GREB1L: variants seen among roughly 807,000 people sequenced by gnomAD.
The protein encoded by GREB1L is GREB1 like retinoic acid receptor coactivator, also known as GREB1-like protein.
Under a neutral mutation model 200.8 loss-of-function variants are expected in GREB1L, and 17 were observed. That is an observed-to-expected ratio of 0.08 (90% confidence interval 0.06 to 0.13). The LOEUF is 0.13. Ranked by LOEUF, GREB1L falls within the 10% of genes least tolerant of loss-of-function variation. The pLI is 1.00. For missense variants in GREB1L, 1,657 were observed against 2,367.7 expected (o/e 0.70, Z 6.23); for synonymous variants, 789 against 893.0 (o/e 0.88, Z 2.08).
At position 21,333,208 on chromosome 18, in the gene GREB1L, A is replaced by G. The variant is rs576949897; in HGVS notation, c.-119-32819A>G. 7.9e-5 allele frequency among the ~76,000 whole-genome samples: 12 copies of G among 152,338 alleles called. No individual in the cohort carries two copies. The East Asian group carries it at 1.9e-3, about 25-fold the overall frequency. The stretch of plus-strand genomic sequence containing the variant: ...TGCCTGGAAGGATGTATTACTATAC[A>G]TGCACATATACACACTCGCATGCAC... On this transcript the variant is annotated intron_variant, in intron 1 of 32. Transcript: ENST00000424526.
intron 1 of GREB1L, among the ~76,000 whole-genome samples, chr18:21,352,685 C>G (rs1005463737): frequency 6.6e-6 from 1 of 151,916 alleles, no homozygotes; most frequent in Non-Finnish European, 1.5e-5. Flanking sequence ...CCACCCGCCT[C>G]AGCCTCCGAA....
At chr18:21,491,533 C>T (rs2145861305) in intron 19 of GREB1L, among the ~76,000 whole-genome samples, 1 of 151,946 alleles carries the variant, frequency 6.6e-6, no homozygotes, top group Middle Eastern at 3.4e-3. Flanking sequence ...CATGGTGAAA[C>T]CCCGTTTTTA....
At chr18:21,433,460 C>T (rs1201581322) in intron 7 of GREB1L, among the ~76,000 whole-genome samples, 1 of 152,178 alleles carries the variant, frequency 6.6e-6, no homozygotes, top group Non-Finnish European at 1.5e-5. Flanking sequence ...AATGACAGAT[C>T]TGTGTAAGAG....
At chr18:21,483,763 G>A (rs911250518) in intron 17 of GREB1L, among the ~76,000 whole-genome samples, 3 of 152,098 alleles carry the variant, frequency 2.0e-5, no homozygotes, top group African/African-American at 7.2e-5. Context: ...GATCACCTGA[G>A]ATCAGGAATT....
chr18:21,368,890 C>A lies in GREB1L; in HGVS notation c.-10+2754C>A, dbSNP rs140599426. The stretch of plus-strand genomic sequence containing the variant: ...AAAACAAAACAAAGCCAAAAAAAAC[C>A]TGTAGAAGTATTTAATGTGTTATTA... On this transcript the variant is annotated intron_variant, in intron 2 of 32. Coordinates refer to ENST00000424526, the MANE Select transcript of GREB1L (RefSeq NM_001142966.3). 2.6e-4 allele frequency among the ~76,000 whole-genome samples: 39 copies of A among 152,152 alleles called. 1 individual carries two copies. The East Asian group carries it at 7.5e-3, about 29-fold the overall frequency.
At chr18:21,451,449 C>A in intron 13 of GREB1L, 1 of 225,298 alleles carries the variant, frequency 4.4e-6, no homozygotes, top group Non-Finnish European at 8.5e-6. Flanking sequence ...TTCCTTCCTC[C>A]TTCCCTCCCT....
chr18:21,300,076 G>T (rs886199383), intron 1 of GREB1L, among the ~76,000 whole-genome samples: 1 of 152,028 alleles, frequency 6.6e-6, no homozygotes, highest in African/African-American at 2.4e-5. Flanking sequence ...AATTCTTTAT[G>T]GTATAATAAC....
intron 7 of GREB1L, among the ~76,000 whole-genome samples, chr18:21,404,678 A>G (rs291793): frequency 1 from 151,730 of 152,352 alleles, 75,558 homozygotes; most frequent in Middle Eastern, 1. Flanking sequence ...CATGGTTCCA[A>G]GTGGCCAAAG....
chr18:21,412,900 T>C (rs566745952), intron 7 of GREB1L, among the ~76,000 whole-genome samples: 1 of 152,228 alleles, frequency 6.6e-6, no homozygotes, highest in Non-Finnish European at 1.5e-5. Context: ...CATACTTTGA[T>C]AGCAAGTAGT....
chr18:21,398,481 G>T (rs2041179336), intron 5 of GREB1L, among the ~76,000 whole-genome samples: 1 of 152,138 alleles, frequency 6.6e-6, no homozygotes, highest in Non-Finnish European at 1.5e-5. Context: ...AGCCTTGTAA[G>T]TGGACATAAT....
At chr18:21,300,933 A>C (rs1355635008) in intron 1 of GREB1L, among the ~76,000 whole-genome samples, 1 of 152,104 alleles carries the variant, frequency 6.6e-6, no homozygotes, top group Non-Finnish European at 1.5e-5. Flanking sequence ...AGACTTACTC[A>C]AGATCTAGTC....
At chr18:21,245,697 TTTTTG>T (rs548631647) in intron 1 of GREB1L, among the ~76,000 whole-genome samples, 1,595 of 150,940 alleles carry the variant, frequency 0.011, 15 homozygotes, top group Non-Finnish European at 0.015. Flanking sequence ...GCCTATTCTT[TTTTTG>T]TTTTGTTTTG....
At chr18:21,412,909 G>T (rs2031222671) in intron 7 of GREB1L, among the ~76,000 whole-genome samples, 1 of 151,974 alleles carries the variant, frequency 6.6e-6, no homozygotes, top group Admixed American at 6.6e-5. Flanking sequence ...ATAGCAAGTA[G>T]TATCATAGGC....
intron 19 of GREB1L, among the ~76,000 whole-genome samples, chr18:21,494,292 C>T (rs1255644889): frequency 2.6e-5 from 4 of 152,182 alleles, no homozygotes; most frequent in Admixed American, 2.0e-4. Context: ...GATTGGACAA[C>T]AAGTAAAAGC....
chr18:21,485,781 T>C, intron 18 of GREB1L, 28 bp downstream of exon 18: 1 of 1,548,188 alleles, frequency 6.5e-7, no homozygotes, highest in Non-Finnish European at 8.7e-7. Context: ...CCTTCTGCTC[T>C]TCTCTCTAGC....
At chr18:21,390,003 T>A (rs1329446348) in intron 4 of GREB1L, among the ~76,000 whole-genome samples, 6 of 152,158 alleles carry the variant, frequency 3.9e-5, no homozygotes, top group Non-Finnish European at 7.4e-5. Context: ...ATGTGCCAAA[T>A]AACACCATTT....
chr18:21,246,230 A>C (rs994635906), intron 1 of GREB1L, among the ~76,000 whole-genome samples: 4 of 152,192 alleles, frequency 2.6e-5, no homozygotes, highest in African/African-American at 7.2e-5. Context: ...ACTTTAGCTT[A>C]CTAAGATGTA....
At chr18:21,375,561 G>A (rs1055849871) in intron 2 of GREB1L, among the ~76,000 whole-genome samples, 4 of 152,122 alleles carry the variant, frequency 2.6e-5, no homozygotes, top group African/African-American at 9.7e-5. Context: ...TTGGAGGTCA[G>A]CAGTTTTATA....
intron 1 of GREB1L, among the ~76,000 whole-genome samples, chr18:21,280,282 A>G (rs1004390361): frequency 2.6e-5 from 4 of 152,168 alleles, no homozygotes; most frequent in African/African-American, 9.7e-5. Flanking sequence ...AGAATGTCAT[A>G]TAGTTGGAAT....
Sources: gnomAD v4.1 joint callset for allele counts (sites outside exome capture counted in the v4.1 genomes callset) on GRCh38, gnomAD v4.1.1 for gene constraint, MANE v1.5 for transcripts, NCBI Gene and HGNC (gene_info 2026-07-23, HGNC 2026-07-21) for gene names.